The following CFAP58 variants were observed in gnomAD, a reference collection of about 807,000 sequenced individuals.
CFAP58 encodes cilia and flagella associated protein 58, also known as cilia- and flagella-associated protein 58.
A neutral mutation model predicts 119.5 loss-of-function variants in CFAP58; 88 were observed. The observed-to-expected ratio is 0.74, with a 90% CI of 0.62 to 0.88. CFAP58 has a LOEUF of 0.88. Among genes scored for constraint, CFAP58 ranks in the 40% least tolerant of loss-of-function variants. The pLI, the probability that CFAP58 is intolerant of heterozygous loss-of-function variation, is 0.00. For synonymous variants in CFAP58, 365 were observed against 366.3 expected (o/e 1.00, Z 0.04); for missense variants, 990 against 1,021.2 (o/e 0.97, Z 0.42).
intron 9 of CFAP58, among the ~76,000 whole-genome samples, chr10:104,382,717 G>A (rs2011838718): frequency 6.6e-6 from 1 of 152,170 alleles, no homozygotes; most frequent in South Asian, 2.1e-4. Context: ...TTTTATAAGT[G>A]TTTAGAAGTT....
the CFAP58 span, among the ~76,000 whole-genome samples, chr10:104,348,573 TC>T: frequency 1.3e-5 from 2 of 152,202 alleles, no homozygotes; most frequent in Non-Finnish European, 2.9e-5. Flanking sequence ...TTCTCTTCTA[TC>T]CTTCCAAGGC....
intron 17 of CFAP58, 25 bp downstream of exon 17, chr10:104,450,229 T>C: frequency 6.2e-7 from 1 of 1,609,932 alleles, no homozygotes; most frequent in Non-Finnish European, 8.5e-7. Context: ...AACGTCCTAA[T>C]TTTGTTGTGC....
At chr10:104,338,772 T>C in the CFAP58 span, among the ~76,000 whole-genome samples, 7 of 152,320 alleles carry the variant, frequency 4.6e-5, no homozygotes, top group South Asian at 1.4e-3. Flanking sequence ...CGGGGAGAGT[T>C]TTCTGCGGCG....
At chr10:104,383,863 A>G (rs1477462557) in intron 9 of CFAP58, among the ~76,000 whole-genome samples, 1 of 152,142 alleles carries the variant, frequency 6.6e-6, no homozygotes, top group African/African-American at 2.4e-5. Flanking sequence ...GCTGGGGAAG[A>G]TGTCATGAAA....
intron 15 of CFAP58, among the ~76,000 whole-genome samples, chr10:104,425,729 G>A (rs965170645): frequency 1.3e-4 from 20 of 152,190 alleles, no homozygotes; most frequent in African/African-American, 4.3e-4. Context: ...TGTCCTAGCT[G>A]AGGTTGGTTG....
intron 16 of CFAP58, 137 bp from the exon 17 acceptor site, chr10:104,449,934 A>ATCTCGGTGGTCGT: frequency 1.2e-6 from 1 of 802,500 alleles, no homozygotes. Context: ...GAGCTGGTGG[A>ATCTCGGTGGTCGT]AGCATGCAGA....
At chr10:104,426,504 A>T (rs1021352546) in intron 15 of CFAP58, among the ~76,000 whole-genome samples, 3 of 151,376 alleles carry the variant, frequency 2.0e-5, no homozygotes, top group African/African-American at 7.3e-5. Context: ...GGACCTTAAG[A>T]CTGTTTAAAC....
At chr10:104,386,813 A>G (rs570332381) in intron 9 of CFAP58, among the ~76,000 whole-genome samples, 1 of 152,338 alleles carries the variant, frequency 6.6e-6, no homozygotes, top group East Asian at 1.9e-4. Context: ...TTCTAACAAT[A>G]TATTTACTTG....
At chr10:104,379,572 C>G (rs1163221578) in intron 8 of CFAP58, among the ~76,000 whole-genome samples, 1 of 152,128 alleles carries the variant, frequency 6.6e-6, no homozygotes, top group Non-Finnish European at 1.5e-5. Flanking sequence ...TATTAAGCTG[C>G]TTTTTATCTT....
At chr10:104,447,873 A>T in intron 16 of CFAP58, 56 bp downstream of exon 16, 1 of 1,519,124 alleles carries the variant, frequency 6.6e-7, no homozygotes. Context: ...TCTGGGGAGC[A>T]CACCTGGACA....
chr10:104,389,729 G>A (rs2011995837), intron 9 of CFAP58, among the ~76,000 whole-genome samples: 1 of 152,186 alleles, frequency 6.6e-6, no homozygotes, highest in Non-Finnish European at 1.5e-5. Flanking sequence ...GCCTGCCATA[G>A]ATGGGTCCTC....
chr10:104,389,650 AC>A (rs2133027709), intron 9 of CFAP58, among the ~76,000 whole-genome samples: 1 of 152,234 alleles, frequency 6.6e-6, no homozygotes, highest in South Asian at 2.1e-4. Context: ...GTGAAGTCAC[AC>A]CCTACAAGTG....
intron 16 of CFAP58, among the ~76,000 whole-genome samples, chr10:104,448,586 G>A (rs2013146627): frequency 6.6e-6 from 1 of 152,078 alleles, no homozygotes; most frequent in African/African-American, 2.4e-5. Context: ...GCCCAATGAG[G>A]GTAATAATCG....
Position 104,357,954 on chromosome 10 carries a change from T to TGC in CFAP58, c.10-387_10-386insGC, listed in dbSNP as rs1554912617. ...ATACACACATATATGTACACATATA[T>TGC]ACACATATATGTACACATATGTACA... On this transcript the variant is annotated intron_variant, in intron 1 of 17. Coordinates refer to ENST00000369704, the MANE Select transcript of CFAP58 (RefSeq NM_001008723.2). 2.8e-5 allele frequency among the ~76,000 whole-genome samples: 3 copies of TGC among 107,860 alleles called. No individual in the cohort carries two copies. The South Asian group carries it at 7.5e-4, about 27-fold the overall frequency. The allele number at this position is 107,860 out of a possible 152,430, so 70.8% of individuals were successfully genotyped here.
intron 2 of CFAP58, among the ~76,000 whole-genome samples, chr10:104,359,004 T>C (rs2014633246): frequency 6.6e-6 from 1 of 152,228 alleles, no homozygotes; most frequent in Admixed American, 6.5e-5. Context: ...TCTCCTGTTT[T>C]AGTAAAGATT....
At chr10:104,431,271 A>G (rs1411712) in intron 15 of CFAP58, among the ~76,000 whole-genome samples, 5,760 of 152,318 alleles carry the variant, frequency 0.038, 390 homozygotes, top group African/African-American at 0.13. Context: ...TATATGTGAC[A>G]AAGGCAATGT....
At chr10:104,367,191 A>C (rs995291528) in intron 5 of CFAP58, among the ~76,000 whole-genome samples, 1 of 152,136 alleles carries the variant, frequency 6.6e-6, no homozygotes, top group Non-Finnish European at 1.5e-5. Context: ...TTTCAAGTTT[A>C]GCAAACTAGG....
At chr10:104,387,853 A>C (rs983099125) in intron 9 of CFAP58, among the ~76,000 whole-genome samples, 2 of 152,174 alleles carry the variant, frequency 1.3e-5, no homozygotes, top group Non-Finnish European at 2.9e-5. Flanking sequence ...GCCAGAAAAC[A>C]TTCTTTTGCA....
In CFAP58 at chr10:104,450,109, C is replaced by A. The variant is rs1479421019; in HGVS notation, c.2415C>A (p.Ser805Arg). ...SSELNMYEVQ[S>R]KEYKYEVEKL... ...AATTGAATATGTATGAAGTACAGAG[C>A]AAAGAATATAAATATGAGGTAGAGA... Residue 805 changes from serine (S) to arginine (R), a missense_variant, in exon 17 of 18, where the codon AGC (serine) becomes AGA (arginine). Ser to Arg is a moderately radical substitution (Grantham distance 110). Coordinates refer to ENST00000369704, the MANE Select transcript of CFAP58 (RefSeq NM_001008723.2). 12 of 1,612,100 alleles carry A rather than the reference C, an allele frequency of 7.4e-6. No individual in the cohort carries two copies. The highest frequency in any genetic ancestry group is 1.7e-5 in the Admixed American group (1 of 59,810).
Sources: gnomAD v4.1 joint callset for allele counts (sites outside exome capture counted in the v4.1 genomes callset) on GRCh38, gnomAD v4.1.1 for gene constraint, MANE v1.5 for transcripts, NCBI Gene and HGNC (gene_info 2026-07-23, HGNC 2026-07-21) for gene names.